CCNY: variants seen among roughly 807,000 people sequenced by gnomAD.
The protein encoded by CCNY is cyclin Y.
A neutral mutation model predicts 42.8 loss-of-function variants in CCNY; 19 were observed. The observed-to-expected ratio is 0.44, with a 90% CI of 0.31 to 0.65. The LOEUF is 0.65. Among genes scored for constraint, CCNY ranks in the 30% least tolerant of loss-of-function variants. The pLI is 0.07. For synonymous variants in CCNY, 165 were observed against 162.7 expected, an observed-to-expected ratio of 1.01 and a Z score of -0.11; for missense variants, 370 against 437.3, an observed-to-expected ratio of 0.85 and a Z score of 1.37.
At chr10:35,406,134 T>C (rs1439114239) in intron 1 of CCNY, among the ~76,000 whole-genome samples, 1 of 151,590 alleles carries the variant, frequency 6.6e-6, no homozygotes, top group Non-Finnish European at 1.5e-5. Flanking sequence ...GTTAATTAAG[T>C]CCTGTTGTGG....
chr10:35,549,339 A>G (rs766565668), intron 7 of CCNY, among the ~76,000 whole-genome samples: 19 of 152,158 alleles, frequency 1.2e-4, no homozygotes, highest in Non-Finnish European at 2.4e-4. Flanking sequence ...ACGTGACCCT[A>G]TGCTGTATGT....
rs563391232 is a variant in CCNY, at chr10:35,286,055, G to A, written c.-9+35429G>A. ...TTGCACTCCCAATCTCAGGTGATCC[G>A]TCCACCTCAGTCTCTCAAAGTGCTG... On this transcript the variant is annotated intron_variant, in intron 3 of 11. Transcript: ENST00000374706. Among the ~76,000 whole-genome samples, 11 of 149,778 alleles carry A rather than the reference G, an allele frequency of 7.3e-5. No individual in the cohort carries two copies. In the South Asian group the frequency reaches 1.1e-3, roughly 14 times the overall value.
chr10:35,394,912 A>T (rs115359340), intron 1 of CCNY: 4 of 896,218 alleles, frequency 4.5e-6, no homozygotes, highest in South Asian at 1.0e-4. Flanking sequence ...AAATGGGAGT[A>T]TTGTAAAACT....
At chr10:35,283,597 G>A (rs765806702) in intron 3 of CCNY, among the ~76,000 whole-genome samples, 1 of 152,158 alleles carries the variant, frequency 6.6e-6, no homozygotes, top group East Asian at 1.9e-4. Context: ...TAGAGATGGG[G>A]TTTCACTGTG....
intron 3 of CCNY, chr10:35,314,552 AATTT>A (rs1835730304): frequency 6.6e-6 from 1 of 152,292 alleles, no homozygotes; most frequent in East Asian, 1.9e-4. Context: ...CACCATTTAT[AATTT>A]ATTAAAATTT....
At chr10:35,489,797 A>G (rs2135376594) in intron 2 of CCNY, among the ~76,000 whole-genome samples, 1 of 152,340 alleles carries the variant, frequency 6.6e-6, no homozygotes, top group South Asian at 2.1e-4. Context: ...TTGATTTGCA[A>G]AAGAATTACT....
chr10:35,308,470 T>C (rs1835641900), intron 3 of CCNY, among the ~76,000 whole-genome samples: 3 of 152,144 alleles, frequency 2.0e-5, no homozygotes. Context: ...GAGGATCACT[T>C]GAGCCTGAGA....
At chr10:35,445,117 G>T (rs1043512582) in intron 1 of CCNY, among the ~76,000 whole-genome samples, 1 of 152,204 alleles carries the variant, frequency 6.6e-6, no homozygotes, top group African/African-American at 2.4e-5. Flanking sequence ...GCTTGTGGGT[G>T]GTTGGCACTG....
At chr10:35,349,606 T>C (rs1037445595) in intron 1 of CCNY, among the ~76,000 whole-genome samples, 6 of 152,230 alleles carry the variant, frequency 3.9e-5, no homozygotes, top group African/African-American at 1.4e-4. Flanking sequence ...AAATCTCAAT[T>C]CTTGGTGTGA....
At chr10:35,378,650 G>C (rs1412781395) in intron 1 of CCNY, among the ~76,000 whole-genome samples, 1 of 152,142 alleles carries the variant, frequency 6.6e-6, no homozygotes, top group Non-Finnish European at 1.5e-5. Flanking sequence ...TGAAGCCCGG[G>C]ACGTGCTGGG....
Position 35,360,051 on chromosome 10 carries a change from C to T in CCNY, c.154+22844C>T, listed in dbSNP as rs115053602. 6.8e-3 allele frequency among the ~76,000 whole-genome samples: 1,034 copies of T among 152,230 alleles called. 11 individuals are homozygous for T. The highest frequency in any genetic ancestry group is 0.024 in the African/African-American group (988 of 41,552). The stretch of plus-strand genomic sequence containing the variant: ...GTTGCTTCTGCCTTTTGGTGATTGT[C>T]GATAATGCCGCTAGGCACACGAGTG... On this transcript the variant is annotated intron_variant, in intron 1 of 9. Transcript: ENST00000374704.
At chr10:35,466,437 G>C (rs1289274820) in intron 1 of CCNY, among the ~76,000 whole-genome samples, 2 of 152,186 alleles carry the variant, frequency 1.3e-5, no homozygotes, top group Non-Finnish European at 2.9e-5. Context: ...GGCCAGACTG[G>C]AGGAGCAGGC....
At chr10:35,393,006 C>T (rs1265396230) in intron 1 of CCNY, among the ~76,000 whole-genome samples, 1 of 152,150 alleles carries the variant, frequency 6.6e-6, no homozygotes, top group South Asian at 2.1e-4. Flanking sequence ...GCAAGAATCC[C>T]CCTCCCCTTG....
chr10:35,318,038 G>A (rs186766223), intron 3 of CCNY, among the ~76,000 whole-genome samples: 493 of 152,066 alleles, frequency 3.2e-3, no homozygotes, highest in Non-Finnish European at 5.4e-3. Flanking sequence ...GACCAGCCTG[G>A]GCAACATAGG....
intron 1 of CCNY, among the ~76,000 whole-genome samples, chr10:35,471,619 A>G (rs943472093): frequency 1.3e-5 from 2 of 152,204 alleles, no homozygotes; most frequent in African/African-American, 4.8e-5. Flanking sequence ...GAATAAAGGC[A>G]TTGTATTTTA....
chr10:35,357,314 G>A (rs1370777546), intron 1 of CCNY, among the ~76,000 whole-genome samples: 1 of 151,566 alleles, frequency 6.6e-6, no homozygotes, highest in East Asian at 1.9e-4. Context: ...TCCCAGAATA[G>A]AAACACAATG....
chr10:35,550,451 G>A (rs902477327), intron 7 of CCNY, among the ~76,000 whole-genome samples: 11 of 151,760 alleles, frequency 7.2e-5, no homozygotes, highest in South Asian at 2.1e-4. Context: ...ATTGTTCTCC[G>A]TCCCCCTCTT....
chr10:35,438,074 AT>A (rs1479667388), intron 1 of CCNY, among the ~76,000 whole-genome samples: 1 of 151,848 alleles, frequency 6.6e-6, no homozygotes, highest in Non-Finnish European at 1.5e-5. Flanking sequence ...CGTATTTATC[AT>A]CATACAAATG....
intron 4 of CCNY, among the ~76,000 whole-genome samples, chr10:35,523,782 A>G (rs1840596395): frequency 6.6e-6 from 1 of 152,082 alleles, no homozygotes; most frequent in Non-Finnish European, 1.5e-5. Flanking sequence ...CATAATTACA[A>G]CTCCATGATG....
Sources: gnomAD v4.1 joint callset for allele counts (sites outside exome capture counted in the v4.1 genomes callset) on GRCh38, gnomAD v4.1.1 for gene constraint, MANE v1.5 for transcripts, NCBI Gene and HGNC (gene_info 2026-07-23, HGNC 2026-07-21) for gene names.